Variants in TMEM200A observed in about 807,000 individuals in gnomAD.
TMEM200A encodes two transmembrane C.
In TMEM200A, 12 loss-of-function variants were observed where a neutral mutation model predicts 24.3. The observed-to-expected ratio is 0.49, with a 90% confidence interval of 0.32 to 0.80. The LOEUF (loss-of-function observed/expected upper bound fraction) is 0.80, where lower values mean the gene tolerates loss of function less well. TMEM200A is among the 30% of genes least tolerant of loss of function. The probability of loss-of-function intolerance (pLI) is 0.04; values close to 1 mark genes in which losing one functional copy is unlikely to be tolerated. For missense variants in TMEM200A, 545 were observed against 614.4 expected, an observed-to-expected ratio of 0.89 and a Z score of 1.19; for synonymous variants, 224 against 224.4, an observed-to-expected ratio of 1.00 and a Z score of 0.02.
chr6:130,412,827 A>G (rs1779363194), intron 2 of TMEM200A, among the ~76,000 whole-genome samples: 1 of 152,228 alleles, frequency 6.6e-6, no homozygotes. Context: ...TTCTGAAACC[A>G]AGATTCTGGA....
At chr6:130,436,509 T>G (rs1780015992) in intron 2 of TMEM200A, among the ~76,000 whole-genome samples, 1 of 151,376 alleles carries the variant, frequency 6.6e-6, no homozygotes. Flanking sequence ...AAGGTAGATT[T>G]AGGCTGTTTT....
chr6:130,441,692 C>T lies in TMEM200A; in HGVS notation c.1270C>T (p.Arg424Trp), dbSNP rs769696983. ...RKHPSWPRLDRNNSKGYMKLE... is the reference protein window; with the variant it reads ...RKHPSWPRLDWNNSKGYMKLE... ...ACATCCAAGTTGGCCTAGGTTGGAT[C>T]GGAACAACAGCAAGGGATATATGAA... Residue 424 changes from arginine to tryptophan, a missense_variant, in exon 3 of 3, where the codon CGG becomes TGG. Coordinates refer to ENST00000296978, the MANE Select transcript of TMEM200A (RefSeq NM_001258277.2). The T allele has an allele frequency of 4.3e-6, 7 of 1,613,916 alleles. No homozygotes were observed. The highest frequency in any genetic ancestry group is 1.3e-5 in the African/African-American group (1 of 75,008).
At chr6:130,408,904 A>G (rs979159336) in intron 2 of TMEM200A, among the ~76,000 whole-genome samples, 7 of 152,146 alleles carry the variant, frequency 4.6e-5, no homozygotes, top group African/African-American at 1.7e-4. Flanking sequence ...TAGGTGCCAC[A>G]TCTGATCCAC....
At chr6:130,380,318 G>A (rs1164902317) in intron 1 of TMEM200A, among the ~76,000 whole-genome samples, 2 of 152,162 alleles carry the variant, frequency 1.3e-5, no homozygotes, top group Non-Finnish European at 2.9e-5. Flanking sequence ...TTCCAGTTTA[G>A]TAGGTCTTTA....
chr6:130,414,579 T>A (rs1367858019), intron 2 of TMEM200A, among the ~76,000 whole-genome samples: 1 of 152,188 alleles, frequency 6.6e-6, no homozygotes, highest in African/African-American at 2.4e-5. Context: ...CTAGTAAAGA[T>A]GAATTTTCAT....
At chr6:130,371,711 T>A (rs1042884096) in intron 1 of TMEM200A, among the ~76,000 whole-genome samples, 2 of 152,066 alleles carry the variant, frequency 1.3e-5, no homozygotes, top group Non-Finnish European at 1.5e-5. Flanking sequence ...GGGTTTGGGG[T>A]ATAGCAAGGA....
At chr6:130,365,893 G>A (rs1484555857), upstream of TMEM200A, 5 of 985,560 alleles carry the variant, frequency 5.1e-6, no homozygotes, top group South Asian at 4.7e-5. Context: ...GTTTTGGGGC[G>A]GCGGCGAGAT....
chr6:130,396,348 G>T (rs1778951742), intron 2 of TMEM200A, among the ~76,000 whole-genome samples: 1 of 147,078 alleles, frequency 6.8e-6, no homozygotes, highest in Admixed American at 6.8e-5. Context: ...AACTTATTTT[G>T]GATTCTGACC....
intron 1 of TMEM200A, among the ~76,000 whole-genome samples, chr6:130,381,605 C>G (rs2115089780): frequency 6.6e-6 from 1 of 152,306 alleles, no homozygotes; most frequent in South Asian, 2.1e-4. Flanking sequence ...GAATGTCCAC[C>G]ATGTTTCTGT....
intron 2 of TMEM200A, among the ~76,000 whole-genome samples, chr6:130,405,821 G>T (rs1369293236): frequency 6.6e-6 from 1 of 152,138 alleles, no homozygotes; most frequent in African/African-American, 2.4e-5. Flanking sequence ...CGGTAGATGG[G>T]CTGCTTCCTA....
At chr6:130,436,630 C>A in intron 2 of TMEM200A, among the ~76,000 whole-genome samples, 1 of 66,776 alleles carries the variant, frequency 1.5e-5, no homozygotes, top group Non-Finnish European at 3.7e-5. Context: ...TTTTCTTTAT[C>A]CTTTTTTTTT....
In TMEM200A at chr6:130,412,944, C is replaced by T. The variant is rs559521920; in HGVS notation, c.-16-27463C>T. Among the ~76,000 whole-genome samples the T allele has an allele frequency of 2.6e-5, 4 of 152,242 alleles. No individual in the cohort carries two copies. The South Asian group carries it at 8.3e-4, about 32-fold the overall frequency. ...GCAAAACTTTGATGTCTGATTAATT[C>T]TGCATTCAGTGAGAAATGAATGTAT... On this transcript the variant is annotated intron_variant, in intron 2 of 2. Transcript: ENST00000296978.
At chr6:130,396,364 GTT>G (rs77519811) in intron 2 of TMEM200A, among the ~76,000 whole-genome samples, 113 of 133,318 alleles carry the variant, frequency 8.5e-4, no homozygotes, top group Non-Finnish European at 3.6e-4. Flanking sequence ...TGACCAGTCT[GTT>G]TTTTTTTTTT....
chr6:130,410,414 A>C (rs975780390), intron 2 of TMEM200A, among the ~76,000 whole-genome samples: 1 of 152,238 alleles, frequency 6.6e-6, no homozygotes, highest in Admixed American at 6.5e-5. Flanking sequence ...AGATGATTTC[A>C]TGGTAATTGT....
Position 130,432,924 on chromosome 6 carries a change from G to A in TMEM200A, c.-16-7483G>A, listed in dbSNP as rs143023708. Among the ~76,000 whole-genome samples the A allele has an allele frequency of 2.3e-3, 347 of 152,218 alleles. 3 individuals are homozygous for A. The highest frequency in any genetic ancestry group is 6.8e-3 in the Middle Eastern group (2 of 294). ...TCAAATGTGGTTATTAAGTATTAAG[G>A]GCTGTGTAGGGATTCAAGCCTGCTA... On this transcript the variant is annotated intron_variant, in intron 2 of 2. Coordinates refer to ENST00000296978, the MANE Select transcript of TMEM200A (RefSeq NM_001258277.2).
Position 130,441,265 on chromosome 6 carries a change from G to A in TMEM200A, c.843G>A (p.Val281=). 5 of 1,614,090 alleles carry A rather than the reference G, an allele frequency of 3.1e-6. No homozygotes were observed. Among genetic ancestry groups the A allele is most frequent in the Non-Finnish European group, 4.2e-6 (5 of 1,179,994 alleles). The change falls in exon 3 of 3, where the codon GTG becomes GTA. Residue 281 remains valine (V), a synonymous_variant. Transcript: ENST00000296978. The part of the protein sequence containing the change: ...GSKKCETKSI[V]SSSISAFTLP... The stretch of plus-strand genomic sequence containing the variant: ...AGAAATGTGAAACCAAGTCAATTGT[G>A]TCATCGTCCATCAGTGCTTTTACAT...
At chr6:130,378,774 C>T (rs1475366892) in intron 1 of TMEM200A, among the ~76,000 whole-genome samples, 1 of 151,420 alleles carries the variant, frequency 6.6e-6, no homozygotes, top group East Asian at 1.9e-4. Flanking sequence ...AGAGAATTCC[C>T]AAGCCTAATG....
chr6:130,439,411 A>G (rs1009421126), intron 2 of TMEM200A: 3 of 152,294 alleles, frequency 2.0e-5, no homozygotes, highest in Non-Finnish European at 2.9e-5. Context: ...GTAAAGAGCC[A>G]AATCTGAGAA....
At position 130,441,162 on chromosome 6, in the gene TMEM200A, T is replaced by C. The variant is rs374799319; in HGVS notation, c.740T>C (p.Leu247Pro). ...TCTGGGCATCTTATGCCCCCTTTGC[T>C]CTCTGACAGCTCTGTGTCTGTCTTT... ...KSSGHLMPPL[L>P]SDSSVSVFGL... The change falls in exon 3 of 3, where the codon CTC becomes CCC. Residue 247 changes from leucine (L) to proline (P), a missense_variant. Physicochemically the swap from Leu to Pro is moderately conservative, Grantham distance 98. Transcript: ENST00000296978. 50 of 1,613,958 alleles carry C rather than the reference T, an allele frequency of 3.1e-5. No individual in the cohort carries two copies. Among genetic ancestry groups the C allele is most frequent in the Non-Finnish European group, 4.2e-5 (49 of 1,179,994 alleles).
Sources: allele counts gnomAD v4.1 joint callset (sites outside exome capture counted in the v4.1 genomes callset), GRCh38; gene constraint gnomAD v4.1.1; transcripts MANE v1.5; gene names NCBI Gene and HGNC (gene_info 2026-07-23, HGNC 2026-07-21).